Variants in RERG observed in about 807,000 individuals in gnomAD.
RERG encodes ras-related and estrogen-regulated growth inhibitor.
In RERG, 25 loss-of-function variants were observed where a neutral mutation model predicts 23.2. The ratio of observed to expected loss-of-function variants is 1.08; its 90% CI spans 0.79 to 1.50. The LOEUF is 1.50. Among genes scored for constraint, RERG ranks in the 40% most tolerant of loss-of-function variants. The pLI, the probability that RERG is intolerant of heterozygous loss-of-function variation, is 0.00. For synonymous variants in RERG, 81 were observed against 89.1 expected, an observed-to-expected ratio of 0.91 and a Z score of 0.51; for missense variants, 253 against 250.1, an observed-to-expected ratio of 1.01 and a Z score of -0.08.
intron 2 of RERG, among the ~76,000 whole-genome samples, chr12:15,216,841 A>G (rs1865446638): frequency 6.6e-6 from 1 of 152,324 alleles, no homozygotes; most frequent in South Asian, 2.1e-4. Context: ...AAGTCTCTGA[A>G]TTACTGATGT....
At position 15,108,043 on chromosome 12, in the gene RERG, A is replaced by T. The variant is rs988118482; in HGVS notation, c.*1067T>A. 1.3e-5 allele frequency: 2 copies of T among 152,574 alleles called. No homozygotes were observed. The highest frequency in any genetic ancestry group is 2.9e-5 in the Non-Finnish European group (2 of 68,008). 9.5% of individuals were successfully genotyped at this position (152,574 alleles called of 1,614,324 possible). ...TTTATCAGTTGTAGACTGTACTTTC[A>T]GAATACAAGAGTCTGTTTTAGACAC... On this transcript the variant is annotated 3_prime_UTR_variant, in exon 5 of 5. Transcript: ENST00000256953.
intron 2 of RERG, among the ~76,000 whole-genome samples, chr12:15,169,892 CAAG>C (rs1280024634): frequency 1.3e-5 from 2 of 149,026 alleles, no homozygotes; most frequent in South Asian, 2.1e-4. Flanking sequence ...AGCAATGAAA[CAAG>C]AAGGACACAC....
intron 2 of RERG, among the ~76,000 whole-genome samples, chr12:15,165,911 C>G (rs1333543637): frequency 6.6e-6 from 1 of 152,162 alleles, no homozygotes; most frequent in Non-Finnish European, 1.5e-5. Flanking sequence ...CATGGATGTG[C>G]TTCGATCACA....
intron 2 of RERG, among the ~76,000 whole-genome samples, chr12:15,193,467 C>A (rs574294689): frequency 1.3e-5 from 2 of 152,224 alleles, no homozygotes; most frequent in South Asian, 4.1e-4. Context: ...CATGCCCCAA[C>A]CTTGAATCTA....
intron 2 of RERG, among the ~76,000 whole-genome samples, chr12:15,132,608 C>T (rs950806898): frequency 1.3e-5 from 2 of 152,142 alleles, no homozygotes; most frequent in South Asian, 2.1e-4. Context: ...TTGTAAGAAA[C>T]TGCCAAACTG....
intron 2 of RERG, among the ~76,000 whole-genome samples, chr12:15,179,866 A>G (rs1489552719): frequency 6.6e-6 from 1 of 152,210 alleles, no homozygotes; most frequent in Non-Finnish European, 1.5e-5. Context: ...GGAGCTTCAA[A>G]AGATCACAGC....
At position 15,109,141 on chromosome 12, in the gene RERG, A is replaced by C; in HGVS notation, c.569T>G (p.Ile190Ser). Residue 190 changes from isoleucine to serine, a missense_variant, in exon 5 of 5, where the codon ATT (isoleucine) becomes AGT (serine). Transcript: ENST00000256953. ...RSSTTHVKQA[I>S]NKMLTKISS ...ACTGATTTTGGTGAGCATCTTGTTA[A>C]TGGCTTGCTTGACATGCGTGGTGGA... 1 of 1,600,222 alleles carries C rather than the reference A, an allele frequency of 6.2e-7. No individual in the cohort carries two copies. The highest frequency in any genetic ancestry group is 8.5e-7 in the Non-Finnish European group (1 of 1,173,906).
At chr12:15,149,530 T>C (rs1864402312) in intron 2 of RERG, among the ~76,000 whole-genome samples, 1 of 152,128 alleles carries the variant, frequency 6.6e-6, no homozygotes, top group South Asian at 2.1e-4. Flanking sequence ...AGATGTTCAT[T>C]AACAATACTA....
intron 2 of RERG, among the ~76,000 whole-genome samples, chr12:15,129,749 G>C (rs1351077087): frequency 2.6e-5 from 4 of 152,020 alleles, no homozygotes; most frequent in African/African-American, 7.3e-5. Flanking sequence ...TGTTGGTAGG[G>C]GGTCAGGTTG....
intron 3 of RERG, among the ~76,000 whole-genome samples, chr12:15,115,681 T>C (rs1423145483): frequency 6.6e-6 from 1 of 152,206 alleles, no homozygotes; most frequent in East Asian, 1.9e-4. Flanking sequence ...GGGGGTAGCC[T>C]GTAAGCCGGT....
At chr12:15,171,747 T>G (rs1218843120) in intron 2 of RERG, among the ~76,000 whole-genome samples, 2 of 152,180 alleles carry the variant, frequency 1.3e-5, no homozygotes, top group African/African-American at 4.8e-5. Context: ...CAAAAGAATA[T>G]TTCATAAGTG....
At chr12:15,195,804 G>C (rs564618915) in intron 2 of RERG, among the ~76,000 whole-genome samples, 11 of 152,106 alleles carry the variant, frequency 7.2e-5, no homozygotes, top group Admixed American at 2.0e-4. Flanking sequence ...TTCCTGGAAG[G>C]CTCACAGCTT....
chr12:15,175,327 C>A (rs1484231661), intron 2 of RERG, among the ~76,000 whole-genome samples: 1 of 137,730 alleles, frequency 7.3e-6, no homozygotes, highest in Admixed American at 7.5e-5. Context: ...CCTTTACTCT[C>A]AGGCTCTGTG....
Position 15,141,211 on chromosome 12 carries a change from A to T in RERG, c.62-20092T>A, listed in dbSNP as rs537407245. 1.9e-4 allele frequency among the ~76,000 whole-genome samples: 28 copies of T among 148,488 alleles called. 1 individual carries two copies. The highest frequency in any genetic ancestry group is 1.7e-3 in the Admixed American group (25 of 14,766). On this transcript the variant is annotated intron_variant, in intron 2 of 4. Transcript: ENST00000256953. Reference sequence around the variant, plus strand: ...CACTCTGTCACCCAGGCTGCAGTGCAGTGGAGCAGTCTCGGCTCACTGCAA... The same window carrying T: ...CACTCTGTCACCCAGGCTGCAGTGCTGTGGAGCAGTCTCGGCTCACTGCAA...
rs71042228 is a variant in RERG, at chr12:15,126,724, C to CTTTTTTTT, written c.62-5613_62-5606dup. On this transcript the variant is annotated intron_variant, in intron 2 of 4. Coordinates refer to ENST00000256953, the MANE Select transcript of RERG (RefSeq NM_032918.3). Reference sequence around the variant, plus strand: ...ATAGCATTTCTTTTTCTTTTTCTTTCTTTTTTTTTTTTTTTTGAGACAGAG... The same window carrying CTTTTTTTT: ...ATAGCATTTCTTTTTCTTTTTCTTTCTTTTTTTTTTTTTTTTTTTTTTTTGAGACAGAG... 1.4e-3 allele frequency among the ~76,000 whole-genome samples: 185 copies of CTTTTTTTT among 132,396 alleles called. 5 individuals are homozygous for CTTTTTTTT. Among genetic ancestry groups the CTTTTTTTT allele is most frequent in the Non-Finnish European group, 1.8e-3 (115 of 63,610 alleles). The allele number at this position is 132,396 out of a possible 152,430, so 86.9% of individuals were successfully genotyped here.
chr12:15,148,705 A>C (rs1864376277), intron 2 of RERG, among the ~76,000 whole-genome samples: 1 of 152,176 alleles, frequency 6.6e-6, no homozygotes, highest in South Asian at 2.1e-4. Context: ...CTAATTCCCC[A>C]GGAATTTGGA....
chr12:15,185,815 T>C (rs1864982910), intron 2 of RERG, among the ~76,000 whole-genome samples: 1 of 149,564 alleles, frequency 6.7e-6, no homozygotes, highest in African/African-American at 2.5e-5. Flanking sequence ...GTGTATCCCC[T>C]AAACAAAAAC....
chr12:15,134,532 C>G (rs1433797523), intron 2 of RERG, among the ~76,000 whole-genome samples: 1 of 152,028 alleles, frequency 6.6e-6, no homozygotes, highest in East Asian at 1.9e-4. Context: ...AACTTGAAGT[C>G]AGTCCTCTGA....
chr12:15,112,060 C>A (rs933296607), intron 3 of RERG, among the ~76,000 whole-genome samples: 1 of 152,160 alleles, frequency 6.6e-6, no homozygotes, highest in South Asian at 2.1e-4. Flanking sequence ...GAGACCTCAA[C>A]AATGTAAATT....
Sources: allele counts gnomAD v4.1 joint callset (sites outside exome capture counted in the v4.1 genomes callset), GRCh38; gene constraint gnomAD v4.1.1; transcripts MANE v1.5; gene names NCBI Gene and HGNC (gene_info 2026-07-23, HGNC 2026-07-21).